XPNPEP3: variants seen among roughly 807,000 people sequenced by gnomAD.
XPNPEP3 encodes xaa-Pro aminopeptidase 3.
Under a neutral mutation model 60.0 loss-of-function variants are expected in XPNPEP3, and 41 were observed. That is an observed-to-expected ratio of 0.68 (90% CI 0.53 to 0.89). XPNPEP3 has a LOEUF of 0.89. XPNPEP3 is among the 40% of genes least tolerant of loss of function. The pLI, the probability that XPNPEP3 is intolerant of heterozygous loss-of-function variation, is 0.00. For synonymous variants in XPNPEP3, 212 were observed against 223.2 expected, an observed-to-expected ratio of 0.95 and a Z score of 0.45; for missense variants, 598 against 638.9, an observed-to-expected ratio of 0.94 and a Z score of 0.69.
chr22:40,898,267 G>C, intron 4 of XPNPEP3, among the ~76,000 whole-genome samples: 1 of 24,550 alleles, frequency 4.1e-5, no homozygotes, highest in East Asian at 2.1e-3. Flanking sequence ...TTTTTTTTGA[G>C]ACGGAGTCTC....
At chr22:40,918,235 A>G (rs534247701) in intron 7 of XPNPEP3, among the ~76,000 whole-genome samples, 2 of 151,986 alleles carry the variant, frequency 1.3e-5, no homozygotes, top group African/African-American at 4.8e-5. Flanking sequence ...TTGGCCAACT[A>G]TGGTGGCGCA....
rs570971642 is a variant in XPNPEP3, at chr22:40,888,091, C to T, written c.792+1576C>T. On this transcript the variant is annotated intron_variant, in intron 4 of 9. Transcript: ENST00000357137. ...AAACTGTACAGATAAATAATAACTTCCCATTCTCCCCTCCTCCAGCCCCCA... is the reference window on the plus strand; with the variant it reads ...AAACTGTACAGATAAATAATAACTTTCCATTCTCCCCTCCTCCAGCCCCCA... 1.3e-5 allele frequency among the ~76,000 whole-genome samples: 2 copies of T among 152,144 alleles called. 1 individual carries two copies. Among genetic ancestry groups the T allele is most frequent in the South Asian group, 4.1e-4 (2 of 4,824 alleles).
chr22:40,906,187 C>G (rs2058154803), intron 4 of XPNPEP3, among the ~76,000 whole-genome samples: 1 of 152,130 alleles, frequency 6.6e-6, no homozygotes, highest in Non-Finnish European at 1.5e-5. Context: ...GCGATCCTCT[C>G]ATCTCAGCGT....
intron 9 of XPNPEP3, among the ~76,000 whole-genome samples, chr22:40,925,841 G>A (rs1166220686): frequency 6.6e-6 from 1 of 152,092 alleles, no homozygotes; most frequent in East Asian, 1.9e-4. Flanking sequence ...AATATATTTT[G>A]TCTTTATTTT....
intron 2 of XPNPEP3, among the ~76,000 whole-genome samples, chr22:40,872,374 A>G (rs1040983262): frequency 6.8e-4 from 103 of 151,954 alleles, no homozygotes; most frequent in African/African-American, 2.5e-3. Flanking sequence ...TTTGATTACT[A>G]CCTTGTCTCA....
Position 40,929,187 on chromosome 22 carries a change from C to G in XPNPEP3, c.*2752C>G, listed in dbSNP as rs545743729. The G allele has an allele frequency of 6.7e-6, 1 of 148,310 alleles. No homozygotes were observed. The highest frequency in any genetic ancestry group is 1.5e-5 in the Non-Finnish European group (1 of 66,956). 9.2% of individuals were successfully genotyped at this position (148,310 alleles called of 1,614,324 possible). A position where few individuals can be genotyped will look rare whatever the true frequency, so the allele number is the denominator to read the frequency against. On this transcript the variant is annotated 3_prime_UTR_variant, in exon 10 of 10. Coordinates refer to ENST00000357137, the MANE Select transcript of XPNPEP3 (RefSeq NM_022098.4). ...TTTTCTTCTTGTATCATTTTCTTTT[C>G]TTTTCTTTTTTTTTTTTTTTTTGAG...
intron 2 of XPNPEP3, among the ~76,000 whole-genome samples, chr22:40,881,211 A>G (rs944511714): frequency 1.3e-5 from 2 of 151,840 alleles, no homozygotes; most frequent in African/African-American, 4.8e-5. Context: ...ACACATGGCT[A>G]ATTTTTGTGT....
chr22:40,878,024 T>C (rs1358011635), intron 2 of XPNPEP3, among the ~76,000 whole-genome samples: 1 of 152,104 alleles, frequency 6.6e-6, no homozygotes, highest in Non-Finnish European at 1.5e-5. Flanking sequence ...CTGACCAACA[T>C]GGTGAAACCC....
At chr22:40,908,913 G>T (rs1486973315) in intron 5 of XPNPEP3, among the ~76,000 whole-genome samples, 1 of 152,156 alleles carries the variant, frequency 6.6e-6, no homozygotes, top group Non-Finnish European at 1.5e-5. Flanking sequence ...GAATAAAAAA[G>T]TATACTTACA....
chr22:40,872,877 A>G (rs534596572), intron 2 of XPNPEP3, among the ~76,000 whole-genome samples: 20 of 152,280 alleles, frequency 1.3e-4, no homozygotes, highest in African/African-American at 4.8e-4. Flanking sequence ...TCTCAAAAAA[A>G]CACTGAAACA....
Position 40,926,595 on chromosome 22 carries a change from T to C in XPNPEP3, c.*160T>C. On this transcript the variant is annotated 3_prime_UTR_variant, in exon 10 of 10. Coordinates refer to ENST00000357137, the MANE Select transcript of XPNPEP3 (RefSeq NM_022098.4). ...GTATGTAATTGTGTGTGGGGGGTTT[T>C]TTGTTTTAAGTAGTTAGAAGTCTGG... 1.0e-6 allele frequency: 1 copy of C among 960,816 alleles called. No individual in the cohort carries two copies. Among genetic ancestry groups the C allele is most frequent in the Admixed American group, 2.0e-5 (1 of 49,484 alleles). The allele number at this position is 960,816 out of a possible 1,614,324, so 59.5% of individuals were successfully genotyped here.
chr22:40,919,412 G>A (rs966795948), intron 7 of XPNPEP3, among the ~76,000 whole-genome samples: 2 of 152,196 alleles, frequency 1.3e-5, no homozygotes, highest in African/African-American at 4.8e-5. Context: ...AAAATTAGCT[G>A]GGTGTGGTGG....
At chr22:40,905,429 C>G (rs1361550620) in intron 4 of XPNPEP3, among the ~76,000 whole-genome samples, 1 of 152,138 alleles carries the variant, frequency 6.6e-6, no homozygotes, top group Non-Finnish European at 1.5e-5. Context: ...TACTGAACAC[C>G]AACTGTGTGC....
intron 4 of XPNPEP3, among the ~76,000 whole-genome samples, chr22:40,895,325 A>T (rs771517292): frequency 5.3e-5 from 8 of 151,090 alleles, no homozygotes; most frequent in Admixed American, 3.3e-4. Context: ...TTTAATAGAG[A>T]TTAGTGCTTT....
intron 2 of XPNPEP3, 106 bp downstream of exon 2, chr22:40,869,221 G>T (rs1355841899): frequency 5.5e-4 from 545 of 998,576 alleles, no homozygotes; most frequent in Middle Eastern, 2.1e-4. Context: ...GTTCCATAAG[G>T]TAGCCACTAA....
intron 9 of XPNPEP3, 91 bp downstream of exon 9, chr22:40,924,573 G>A: frequency 3.9e-6 from 6 of 1,545,008 alleles, no homozygotes; most frequent in South Asian, 1.2e-5. Context: ...GCCCAGGCTG[G>A]AGTGAAGTGG....
At chr22:40,913,623 A>G (rs576410852) in intron 6 of XPNPEP3, among the ~76,000 whole-genome samples, 138 of 151,986 alleles carry the variant, frequency 9.1e-4, no homozygotes, top group African/African-American at 3.2e-3. Flanking sequence ...AGTGATATTT[A>G]TGATGTGCTA....
At chr22:40,889,605 C>T (rs890528408) in intron 4 of XPNPEP3, among the ~76,000 whole-genome samples, 2 of 152,156 alleles carry the variant, frequency 1.3e-5, no homozygotes, top group East Asian at 1.9e-4. Flanking sequence ...GGGAGGATCA[C>T]GTGAGGCAGC....
At chr22:40,907,003 C>A in intron 4 of XPNPEP3, 1 of 454,062 alleles carries the variant, frequency 2.2e-6, no homozygotes, top group Non-Finnish European at 4.4e-6. Context: ...GAGGGCAGAG[C>A]CCTCGTGATT....
Sources: gnomAD v4.1 joint callset for allele counts (sites outside exome capture counted in the v4.1 genomes callset) on GRCh38, gnomAD v4.1.1 for gene constraint, MANE v1.5 for transcripts, NCBI Gene and HGNC (gene_info 2026-07-23, HGNC 2026-07-21) for gene names.